The following KCNK5 variants were observed in gnomAD, a reference collection of about 807,000 sequenced individuals.
KCNK5 encodes the protein potassium two pore domain channel subfamily K member 5, also known as potassium channel subfamily K member 5.
In KCNK5, 18 loss-of-function variants were observed where a neutral mutation model predicts 32.9. The ratio of observed to expected loss-of-function variants is 0.55; its 90% CI spans 0.38 to 0.81. KCNK5 has a LOEUF of 0.81. Among genes scored for constraint, KCNK5 ranks in the 30% least tolerant of loss-of-function variants. The pLI is 0.00. For missense variants in KCNK5, 507 were observed against 651.0 expected (o/e 0.78, Z 2.41); for synonymous variants, 276 against 275.3 (o/e 1.00, Z -0.03).
At chr6:39,196,789 G>A (rs1376411792) in intron 1 of KCNK5, among the ~76,000 whole-genome samples, 1 of 152,214 alleles carries the variant, frequency 6.6e-6, no homozygotes, top group African/African-American at 2.4e-5. Context: ...ACTCATAACT[G>A]TGCTATCAAT....
chr6:39,215,523 G>C (rs1237496840), intron 1 of KCNK5, among the ~76,000 whole-genome samples: 3 of 152,210 alleles, frequency 2.0e-5, no homozygotes, highest in Admixed American at 1.3e-4. Context: ...CATGAGAGGA[G>C]CAGGAACCTT....
chr6:39,214,165 T>C (rs1309540081), intron 1 of KCNK5, among the ~76,000 whole-genome samples: 1 of 152,172 alleles, frequency 6.6e-6, no homozygotes, highest in East Asian at 1.9e-4. Context: ...GAACTCTGAA[T>C]TTCCAGTGTG....
intron 1 of KCNK5, among the ~76,000 whole-genome samples, chr6:39,211,370 C>T (rs747728867): frequency 3.3e-5 from 5 of 152,232 alleles, no homozygotes; most frequent in Non-Finnish European, 5.9e-5. Context: ...GGCAATCACA[C>T]GGCTTGCACA....
Position 39,191,363 on chromosome 6 carries a change from G to T in KCNK5, c.1027C>A (p.Pro343Thr). The change falls in exon 5 of 5, where the codon CCC (proline) becomes ACC (threonine). Residue 343 changes from proline to threonine, a missense_variant. Pro to Thr is a conservative substitution (Grantham distance 38). Coordinates refer to ENST00000359534, the MANE Select transcript of KCNK5 (RefSeq NM_003740.4). The surrounding 1 kb of genome is among the most constrained non-coding windows in gnomAD (Gnocchi z 5.8). ...GLPALPPSLV[P>T]LVVYSKNRVP... ...CGGTTCTTGGAGTAGACTACCAGGG[G>T]CACCAGGGAAGGGGGCAGTGCTGGG... is the stretch of plus-strand genomic sequence containing the variant. 6.2e-7 allele frequency: 1 copy of T among 1,613,716 alleles called. No individual in the cohort carries two copies. The highest frequency in any genetic ancestry group is 1.3e-5 in the African/African-American group (1 of 75,048).
At chr6:39,208,884 G>C (rs1459503542) in intron 1 of KCNK5, among the ~76,000 whole-genome samples, 2 of 152,230 alleles carry the variant, frequency 1.3e-5, no homozygotes, top group African/African-American at 4.8e-5. Context: ...GAGGTCAGGA[G>C]TTTGAGACCA....
rs752217652 is a variant in KCNK5 at position 39,190,971 on chromosome 6, G to A, written c.1419C>T (p.Thr473=). ...GCACAGAGAGCTCAGACTCAGTGCTGGTGAAGGTGGACTCGGAGGAGGAGG... is the reference window on the plus strand; with the variant it reads ...GCACAGAGAGCTCAGACTCAGTGCTAGTGAAGGTGGACTCGGAGGAGGAGG... ...EFPSSSESTF[T]STESELSVPY... Residue 473 remains threonine (T), a synonymous_variant, in exon 5 of 5, where the codon ACC becomes ACT. Coordinates refer to ENST00000359534, the MANE Select transcript of KCNK5 (RefSeq NM_003740.4). 1 of 1,547,368 alleles carries A rather than the reference G, an allele frequency of 6.5e-7. No homozygotes were observed. Among genetic ancestry groups the A allele is most frequent in the Non-Finnish European group, 8.7e-7 (1 of 1,148,678 alleles).
intron 1 of KCNK5, among the ~76,000 whole-genome samples, chr6:39,206,353 G>A (rs1242852350): frequency 2.0e-5 from 3 of 152,194 alleles, no homozygotes; most frequent in Admixed American, 2.0e-4. Flanking sequence ...GCGTGCCTAC[G>A]CTCCCTACCC....
At position 39,194,219 on chromosome 6, in the gene KCNK5, T is replaced by C. The variant is rs1770988461; in HGVS notation, c.584A>G (p.Tyr195Cys). 1 of 1,614,070 alleles carries C rather than the reference T, an allele frequency of 6.2e-7. No individual in the cohort carries two copies. Among genetic ancestry groups the C allele is most frequent in the Non-Finnish European group, 8.5e-7 (1 of 1,179,996 alleles). ...GGTGGAGATGGTGATGAAGGAGTAG[T>C]AGAGGCCCTCGATGTAGTTCCACCC... ...TEGWNYIEGLYYSFITISTIG... is the reference protein window; with the variant it reads ...TEGWNYIEGLCYSFITISTIG... Residue 195 changes from tyrosine to cysteine, a missense_variant, in exon 4 of 5, where the codon TAC becomes TGC. This residue lies in a region of KCNK5 where 45 missense variants were observed against 107.6 expected (regional missense o/e 0.42). Transcript: ENST00000359534. This position sits in a 1 kb window ranked among gnomAD's most constrained non-coding sequence, Gnocchi z 4.7.
chr6:39,223,561 C>G (rs1016638308), intron 1 of KCNK5, among the ~76,000 whole-genome samples: 1 of 152,178 alleles, frequency 6.6e-6, no homozygotes, highest in Non-Finnish European at 1.5e-5. Context: ...TCTGTACCAC[C>G]CCAGTTCTGG....
At chr6:39,210,020 G>A (rs970406187) in intron 1 of KCNK5, among the ~76,000 whole-genome samples, 2 of 152,226 alleles carry the variant, frequency 1.3e-5, no homozygotes, top group Non-Finnish European at 2.9e-5. Flanking sequence ...GGGTTGTGGG[G>A]TAAGAGTGCT....
At chr6:39,208,446 C>G (rs1344291137) in intron 1 of KCNK5, among the ~76,000 whole-genome samples, 1 of 152,186 alleles carries the variant, frequency 6.6e-6, no homozygotes, top group African/African-American at 2.4e-5. Context: ...CTTCTCAAAG[C>G]CCCCTGCAGG....
intron 1 of KCNK5, among the ~76,000 whole-genome samples, chr6:39,217,118 CAAAAAAAAAAAAA>C (rs57204833): frequency 1.3e-4 from 10 of 74,442 alleles, no homozygotes; most frequent in Admixed American, 3.3e-4. Flanking sequence ...AAAACTCCAT[CAAAAAAAAAAAAA>C]AAAAAAAAAA....
At chr6:39,224,355 C>A (rs189592314) in intron 1 of KCNK5, among the ~76,000 whole-genome samples, 2 of 152,320 alleles carry the variant, frequency 1.3e-5, no homozygotes, top group East Asian at 3.9e-4. Flanking sequence ...AGGCCTGAGA[C>A]AAAGAGGGTG....
chr6:39,189,756 G>GTGTGCACACACGCAC lies in KCNK5; in HGVS notation c.*1119_*1133dup, dbSNP rs914755530. The GTGTGCACACACGCAC allele has an allele frequency of 2.0e-5, 3 of 152,654 alleles. No homozygotes were observed. Among genetic ancestry groups the GTGTGCACACACGCAC allele is most frequent in the Non-Finnish European group, 2.9e-5 (2 of 68,056 alleles). The allele number at this position is 152,654 out of a possible 1,614,324, so 9.5% of individuals were successfully genotyped here. On this transcript the variant is annotated 3_prime_UTR_variant, in exon 5 of 5. Coordinates refer to ENST00000359534, the MANE Select transcript of KCNK5 (RefSeq NM_003740.4). ...AACACACACGAGTGCACAGGTGTGCGTGTGCACACACGCACTGTGCACACA... is the reference window on the plus strand; with the variant it reads ...AACACACACGAGTGCACAGGTGTGCGTGTGCACACACGCACTGTGCACACACGCACTGTGCACACA...
In KCNK5 at chr6:39,193,674, A is replaced by G. The variant is rs377565439; in HGVS notation, c.634+495T>C. Among the ~76,000 whole-genome samples, 3 of 152,192 alleles carry G rather than the reference A, an allele frequency of 2.0e-5. No homozygotes were observed. In the East Asian group the frequency reaches 5.8e-4, roughly 29 times the overall value. ...GCTGGGGGCAGGGCAGCTGGGGAGAAGGCCTCCCTTGTCTTTAAGCTGCTA... is the reference window on the plus strand; with the variant it reads ...GCTGGGGGCAGGGCAGCTGGGGAGAGGGCCTCCCTTGTCTTTAAGCTGCTA... On this transcript the variant is annotated intron_variant, in intron 4 of 4. Coordinates refer to ENST00000359534, the MANE Select transcript of KCNK5 (RefSeq NM_003740.4).
In KCNK5 at chr6:39,194,823, C is replaced by CA. The variant is rs138154290; in HGVS notation, c.299-64dup. 167,887 of 1,383,318 alleles carry CA rather than the reference C, an allele frequency of 0.12. 10,923 individuals carry two copies. Among genetic ancestry groups the CA allele is most frequent in the South Asian group, 0.18 (15,075 of 84,732 alleles). 85.7% of individuals were successfully genotyped at this position (1,383,318 alleles called of 1,614,324 possible). A position where few individuals can be genotyped will look rare whatever the true frequency, so the allele number is the denominator to read the frequency against. ...TGGTCAAACCAGTGGGCCTTGCTTC[C>CA]AACACACACACAGCCCGTTCTCTAA... is the stretch of plus-strand genomic sequence containing the variant. On this transcript the variant is annotated intron_variant, in intron 2 of 4. Coordinates refer to ENST00000359534, the MANE Select transcript of KCNK5 (RefSeq NM_003740.4). The surrounding 1 kb of genome is among the most constrained non-coding windows in gnomAD (Gnocchi z 4.7).
Position 39,191,986 on chromosome 6 carries a change from T to C in KCNK5, c.635-231A>G, listed in dbSNP as rs1770947540. Among the ~76,000 whole-genome samples the C allele has an allele frequency of 6.6e-6, 1 of 151,868 alleles. No individual in the cohort carries two copies. The highest frequency in any genetic ancestry group is 1.5e-5 in the Non-Finnish European group (1 of 67,966). On this transcript the variant is annotated intron_variant, in intron 4 of 4. Transcript: ENST00000359534. The surrounding 1 kb of genome is among the most constrained non-coding windows in gnomAD (Gnocchi z 5.8). ...TCTCCAGCCTGTCTCTGAGTCTCGG[T>C]TTCCTCAACTAGAAACGTCAAGACA...
In KCNK5 at chr6:39,194,460, G is replaced by A; in HGVS notation, c.466-123C>T. On this transcript the variant is annotated intron_variant, in intron 3 of 4. Coordinates refer to ENST00000359534, the MANE Select transcript of KCNK5 (RefSeq NM_003740.4). The surrounding 1 kb of genome is among the most constrained non-coding windows in gnomAD (Gnocchi z 4.7). ...GCTGGGTACCCAGCCTGACCCGGGA[G>A]GGCAAGGAGCTCTGAAACTATCCTC... is the stretch of plus-strand genomic sequence containing the variant. The A allele has an allele frequency of 7.0e-7, 1 of 1,420,460 alleles. No individual in the cohort carries two copies. The allele number at this position is 1,420,460 out of a possible 1,614,324, so 88.0% of individuals were successfully genotyped here. A position where few individuals can be genotyped will look rare whatever the true frequency, so the allele number is the denominator to read the frequency against.
At chr6:39,217,257 C>T (rs540576332) in intron 1 of KCNK5, among the ~76,000 whole-genome samples, 33 of 151,404 alleles carry the variant, frequency 2.2e-4, no homozygotes, top group Non-Finnish European at 4.1e-4. Flanking sequence ...CTGGGATCAA[C>T]GGCAGGGGTC....
Sources: gnomAD v4.1 joint callset for allele counts (sites outside exome capture counted in the v4.1 genomes callset) on GRCh38, gnomAD v4.1.1 for gene constraint, gnomAD v4.1.1 regional missense constraint, Gnocchi (gnomAD v3.1) non-coding constraint, MANE v1.5 for transcripts, NCBI Gene and HGNC (gene_info 2026-07-23, HGNC 2026-07-21) for gene names.